The following NEB variants were observed in gnomAD, a reference collection of about 807,000 sequenced individuals.
NEB encodes the protein nemaline myopathy type 2.
Under a neutral mutation model 952.2 loss-of-function variants are expected in NEB, and 512 were observed. The ratio of observed to expected loss-of-function variants is 0.54; its 90% CI spans 0.50 to 0.58. NEB has a LOEUF of 0.58. NEB is among the 20% of genes least tolerant of loss of function. The probability of loss-of-function intolerance (pLI) is 0.00; values close to 1 mark genes in which losing one functional copy is unlikely to be tolerated. For synonymous variants in NEB, 2,900 were observed against 3,149.8 expected (o/e 0.92, Z 2.66); for missense variants, 8,428 against 9,231.1 (o/e 0.91, Z 3.56).
At position 151,546,001 on chromosome 2, in the gene NEB, TAAAA is replaced by T; in HGVS notation, c.20467-7_20467-4del. ...TTATCAGTGTATAGGTAATTAGACT[TAAAA>T]AAAAAAAAAAAAACAGAAATACAAG... On this transcript the variant is annotated splice_polypyrimidine_tract_variant and splice_region_variant and intron_variant, in intron 134 of 181. Transcript: ENST00000397345. The T allele has an allele frequency of 7.4e-6, 7 of 948,490 alleles. No homozygotes were observed. Among genetic ancestry groups the T allele is most frequent in the Non-Finnish European group, 9.3e-6 (6 of 642,990 alleles). The allele number at this position is 948,490 out of a possible 1,614,324, so 58.8% of individuals were successfully genotyped here.
intron 116 of NEB, 113 bp from the exon 117 acceptor site, chr2:151,565,261 G>T: frequency 1.4e-6 from 1 of 695,944 alleles, no homozygotes; most frequent in Non-Finnish European, 2.4e-6. Flanking sequence ...CCAACTGGTT[G>T]AATTTTAGCC....
chr2:151,667,086 T>G (rs975682348), intron 40 of NEB, among the ~76,000 whole-genome samples: 1 of 151,678 alleles, frequency 6.6e-6, no homozygotes, highest in Non-Finnish European at 1.5e-5. Flanking sequence ...ACTAAAATCC[T>G]GTTATATAAT....
chr2:151,665,498 G>A lies in NEB; in HGVS notation c.5073C>T (p.Ile1691=), dbSNP rs190322907. ...CCAGGGACTCTATGGGCACCCAGCC[G>A]ATCCCTTTCATCCAATTGGTGAAGT... ...KSDFTNWMKG[I]GWVPIESLEV... The change falls in exon 42 of 182, where the codon ATC becomes ATT. Residue 1691 remains isoleucine, a synonymous_variant. Coordinates refer to ENST00000397345, the MANE Select transcript of NEB (RefSeq NM_001164508.2). The A allele has an allele frequency of 2.0e-5, 32 of 1,611,220 alleles. 1 individual carries two copies. In the Middle Eastern group the frequency reaches 5.0e-4, roughly 25 times the overall value.
chr2:151,623,717 G>A (rs369707120), intron 71 of NEB, among the ~76,000 whole-genome samples: 5 of 152,126 alleles, frequency 3.3e-5, no homozygotes, highest in African/African-American at 1.2e-4. Context: ...ATTCCAGAGG[G>A]AATCTGTTTT....
At position 151,493,437 on chromosome 2, in the gene NEB, G is replaced by A. The variant is rs898626861; in HGVS notation, c.24681C>T (p.Tyr8227=). The A allele has an allele frequency of 3.8e-6, 6 of 1,591,862 alleles. No homozygotes were observed. The African/African-American group carries it at 8.1e-5, about 22-fold the overall frequency. ...RNQENFSSVL[Y]KENMRKATPT... The stretch of plus-strand genomic sequence containing the variant: ...GAGTTGCTTTTCTCATGTTCTCTTT[G>A]TACAATACCTAGGGAAGCCAAAAGA... Residue 8227 remains tyrosine, a synonymous_variant, in exon 176 of 182, where the codon TAC becomes TAT. Transcript: ENST00000397345.
In NEB at chr2:151,576,244, G is replaced by C. The variant is rs781623818; in HGVS notation, c.16815C>G (p.Val5605=). Residue 5605 remains valine, a synonymous_variant, in exon 106 of 182, where the codon GTC becomes GTG. Transcript: ENST00000397345. ...TAAGGTTCACCACAGGCGTCCGATAGACACTGTCACAAAAGATATTCTGGG... is the reference window on the plus strand; with the variant it reads ...TAAGGTTCACCACAGGCGTCCGATACACACTGTCACAAAAGATATTCTGGG... ...KNAQNIFCDS[V]YRTPVVNLKY... 6.0e-5 allele frequency: 96 copies of C among 1,611,220 alleles called. No homozygotes were observed. The highest frequency in any genetic ancestry group is 7.8e-5 in the Non-Finnish European group (92 of 1,178,182).
intron 77 of NEB, among the ~76,000 whole-genome samples, chr2:151,612,719 A>C (rs1290248248): frequency 6.6e-6 from 1 of 152,214 alleles, no homozygotes; most frequent in African/African-American, 2.4e-5. Context: ...CCTCTTATGG[A>C]AACTGTACTG....
chr2:151,623,884 G>A (rs1275535236), intron 71 of NEB, among the ~76,000 whole-genome samples: 1 of 152,096 alleles, frequency 6.6e-6, no homozygotes, highest in African/African-American at 2.4e-5. Context: ...CAAAAAAATA[G>A]AGTTCTTTAA....
chr2:151,636,598 G>A (rs2098767423), intron 63 of NEB, among the ~76,000 whole-genome samples: 2 of 151,872 alleles, frequency 1.3e-5, no homozygotes, highest in South Asian at 4.2e-4. Flanking sequence ...TGGCCAACAT[G>A]GTGAAACCCC....
chr2:151,664,276 C>T (rs1382604386), intron 44 of NEB, among the ~76,000 whole-genome samples: 1 of 152,162 alleles, frequency 6.6e-6, no homozygotes, highest in Non-Finnish European at 1.5e-5. Context: ...TTTGAATAGA[C>T]TCTAAAGGCT....
intron 110 of NEB, 58 bp from the exon 111 acceptor site, chr2:151,568,774 G>T: frequency 8.2e-7 from 1 of 1,215,038 alleles, no homozygotes; most frequent in Non-Finnish European, 1.2e-6. Context: ...TGTGAACTGA[G>T]AAGATACACT....
rs1238068883 is a variant in NEB at position 151,672,459 on chromosome 2, G to T, written c.4209C>A (p.Val1403=). 1 of 1,613,840 alleles carries T rather than the reference G, an allele frequency of 6.2e-7. No individual in the cohort carries two copies. Residue 1403 remains valine (V), a synonymous_variant, in exon 37 of 182, where the codon GTC becomes GTA. Coordinates refer to ENST00000397345, the MANE Select transcript of NEB (RefSeq NM_001164508.2). The part of the protein sequence containing the change: ...AKMAQDVATN[V]NYKQPLHHYT... Reference sequence around the variant, plus strand: ...AATGATGCAATGGCTGTTTGTAGTTGACATTGGTAGCGACATCCTGGGCCA... The same window carrying T: ...AATGATGCAATGGCTGTTTGTAGTTTACATTGGTAGCGACATCCTGGGCCA...
chr2:151,647,292 T>A (rs564732735), intron 54 of NEB, among the ~76,000 whole-genome samples: 4 of 152,010 alleles, frequency 2.6e-5, no homozygotes, highest in African/African-American at 9.6e-5. Context: ...GTATTTTTAG[T>A]AGAGATGGGG....
rs761668198 is a variant in NEB at position 151,609,888 on chromosome 2, T to G, written c.12251A>C (p.Asn4084Thr). 1 of 1,613,570 alleles carries G rather than the reference T, an allele frequency of 6.2e-7. No homozygotes were observed. The highest frequency in any genetic ancestry group is 8.5e-7 in the Non-Finnish European group (1 of 1,179,566). The change falls in exon 81 of 182, where the codon AAT (asparagine) becomes ACT (threonine). Residue 4084 changes from asparagine to threonine, a missense_variant. Coordinates refer to ENST00000397345, the MANE Select transcript of NEB (RefSeq NM_001164508.2). Reference sequence around the variant, plus strand: ...CATGCATGTCCATTCATGCAGGTAATTGCGATAATCAATGTCAGTGACCAA... The same window carrying G: ...CATGCATGTCCATTCATGCAGGTAAGTGCGATAATCAATGTCAGTGACCAA... ...QTLVTDIDYR[N>T]YLHEWTCMPD...
chr2:151,679,928 T>C lies in NEB; in HGVS notation c.3137A>G (p.Asn1046Ser). The C allele has an allele frequency of 1.9e-6, 3 of 1,612,726 alleles. No homozygotes were observed. The highest frequency in any genetic ancestry group is 2.5e-6 in the Non-Finnish European group (3 of 1,178,710). ...AGTCCACCCACGCACCTCACTGATA[T>C]TGTAGGCATTAACTTTAGCCTGGAT... ...QFIQAKVNAY[N>S]ISENMYKADL... The change falls in exon 31 of 182, where the codon AAT becomes AGT. Residue 1046 changes from asparagine (N) to serine (S), a missense_variant. This residue lies in a region of NEB where 2,851 missense variants were observed against 2,791.5 expected (regional missense o/e 1.02). Transcript: ENST00000397345.
chr2:151,534,062 G>A (rs2092521340), intron 142 of NEB, among the ~76,000 whole-genome samples: 2 of 152,114 alleles, frequency 1.3e-5, no homozygotes, highest in East Asian at 1.9e-4. Flanking sequence ...AATAGCTGAC[G>A]GGCTTTTTGG....
chr2:151,728,811 A>G (rs541098123), intron 4 of NEB, among the ~76,000 whole-genome samples: 1 of 152,338 alleles, frequency 6.6e-6, no homozygotes, highest in Non-Finnish European at 1.5e-5. Context: ...AGAACCTAGT[A>G]AGGAAATTGT....
rs1261392999 is a variant in NEB, at chr2:151,642,961, G to A, written c.8161-92C>T. 7 of 1,238,918 alleles carry A rather than the reference G, an allele frequency of 5.7e-6. No individual in the cohort carries two copies. In the East Asian group the frequency reaches 1.8e-4, roughly 31 times the overall value. The allele number at this position is 1,238,918 out of a possible 1,614,324, so 76.7% of individuals were successfully genotyped here. ...TTTTTAATGAGAATCAAGAATTTCA[G>A]CTCAGTGAATCGGTATTTGTGACAT... is the stretch of plus-strand genomic sequence containing the variant. On this transcript the variant is annotated intron_variant, in intron 58 of 181. Coordinates refer to ENST00000397345, the MANE Select transcript of NEB (RefSeq NM_001164508.2).
At chr2:151,522,656 G>A (rs1222195702) in intron 153 of NEB, among the ~76,000 whole-genome samples, 1 of 152,208 alleles carries the variant, frequency 6.6e-6, no homozygotes, top group African/African-American at 2.4e-5. Context: ...AACCTGGTCA[G>A]TCTCCTGACC....
Sources: gnomAD v4.1 joint callset for allele counts (sites outside exome capture counted in the v4.1 genomes callset) on GRCh38, gnomAD v4.1.1 for gene constraint, gnomAD v4.1.1 regional missense constraint, MANE v1.5 for transcripts, NCBI Gene and HGNC (gene_info 2026-07-23, HGNC 2026-07-21) for gene names.